TMEM232: variants seen among roughly 807,000 people sequenced by gnomAD.
The protein encoded by TMEM232 is transmembrane protein 232.
A neutral mutation model predicts 78.8 loss-of-function variants in TMEM232; 80 were observed. That is an observed-to-expected ratio of 1.01 (90% CI 0.85 to 1.22). TMEM232 has a LOEUF of 1.22. Among genes scored for constraint, TMEM232 ranks in the 50% most tolerant of loss-of-function variants. TMEM232 has a pLI of 0.00. For missense variants in TMEM232, 881 were observed against 742.2 expected, an observed-to-expected ratio of 1.19 and a Z score of -2.17; for synonymous variants, 297 against 254.3, an observed-to-expected ratio of 1.17 and a Z score of -1.60.
At position 110,420,273 on chromosome 5, in the gene TMEM232, C is replaced by G; in HGVS notation, c.*307G>C. ...TGATGAATATCAATGTTCTGAGAATCAGTTATCAAGTATGCTGTACAATCA... is the reference window on the plus strand; with the variant it reads ...TGATGAATATCAATGTTCTGAGAATGAGTTATCAAGTATGCTGTACAATCA... On this transcript the variant is annotated 3_prime_UTR_variant, in exon 14 of 14. Coordinates refer to ENST00000455884, the MANE Select transcript of TMEM232 (RefSeq NM_001039763.4). 5.2e-6 allele frequency: 1 copy of G among 191,372 alleles called. No individual in the cohort carries two copies. Among genetic ancestry groups the G allele is most frequent in the Non-Finnish European group, 1.1e-5 (1 of 94,936 alleles). The allele number at this position is 191,372 out of a possible 1,614,324, so 11.9% of individuals were successfully genotyped here. A position where few individuals can be genotyped will look rare whatever the true frequency, so the allele number is the denominator to read the frequency against.
chr5:110,653,095 G>A (rs1788560710), intron 2 of TMEM232, among the ~76,000 whole-genome samples: 1 of 152,166 alleles, frequency 6.6e-6, no homozygotes, highest in African/African-American at 2.4e-5. Flanking sequence ...TATTTTGCTA[G>A]ATACCATGAG....
rs572448524 is a variant in TMEM232, at chr5:110,440,044, T to C, written c.1704-15128A>G. 6.6e-5 allele frequency among the ~76,000 whole-genome samples: 10 copies of C among 152,288 alleles called. No homozygotes were observed. In the South Asian group the frequency reaches 1.7e-3, roughly 25 times the overall value. ...GTAAAATTTTGTTATGCAAATGGTTTCACAAAGTAGGAGAAAACATAATGT... is the reference window on the plus strand; with the variant it reads ...GTAAAATTTTGTTATGCAAATGGTTCCACAAAGTAGGAGAAAACATAATGT... On this transcript the variant is annotated intron_variant, in intron 12 of 13. Transcript: ENST00000455884.
In TMEM232 at chr5:110,400,663, A is replaced by T. The variant is rs540381796; in HGVS notation, n.309-2809T>A. ...CATTGTAAATGCAGATATGTAGAAT[A>T]CCTGGGGTACAAGAAAGTGATCATG... On this transcript the variant is annotated intron_variant and non_coding_transcript_variant, in intron 2 of 8. Transcript: ENST00000507188. Among the ~76,000 whole-genome samples, 12 of 152,220 alleles carry T rather than the reference A, an allele frequency of 7.9e-5. No individual in the cohort carries two copies. The South Asian group carries it at 2.5e-3, about 32-fold the overall frequency.
At chr5:110,602,314 A>C (rs934185960) in intron 10 of TMEM232, among the ~76,000 whole-genome samples, 1 of 152,188 alleles carries the variant, frequency 6.6e-6, no homozygotes, top group African/African-American at 2.4e-5. Flanking sequence ...ATTAAACTAA[A>C]GAGCTTCTGC....
At chr5:110,705,851 C>T (rs370265225) in intron 1 of TMEM232, among the ~76,000 whole-genome samples, 5 of 151,188 alleles carry the variant, frequency 3.3e-5, no homozygotes, top group Admixed American at 2.6e-4. Context: ...TGGTACTGTC[C>T]CCAAAATGTG....
chr5:110,639,408 A>T (rs1257099735), intron 4 of TMEM232, among the ~76,000 whole-genome samples: 2 of 152,166 alleles, frequency 1.3e-5, no homozygotes, highest in East Asian at 3.9e-4. Flanking sequence ...TCTTGAAAAT[A>T]AGGAGGTTTA....
chr5:110,633,303 C>T (rs577531253), intron 5 of TMEM232, among the ~76,000 whole-genome samples: 1 of 152,152 alleles, frequency 6.6e-6, no homozygotes, highest in East Asian at 1.9e-4. Flanking sequence ...GTATAAAACT[C>T]ATGGGTAAAG....
chr5:110,555,161 T>C (rs1441109787), intron 11 of TMEM232, among the ~76,000 whole-genome samples: 3 of 152,192 alleles, frequency 2.0e-5, no homozygotes, highest in African/African-American at 7.2e-5. Flanking sequence ...TGCTATAAAC[T>C]TTCCTGTTAA....
chr5:110,582,425 A>G (rs764488286), intron 10 of TMEM232, among the ~76,000 whole-genome samples: 14 of 151,904 alleles, frequency 9.2e-5, no homozygotes, highest in Non-Finnish European at 1.3e-4. Flanking sequence ...ACCAAATACC[A>G]CATGTTCTCA....
intron 12 of TMEM232, among the ~76,000 whole-genome samples, chr5:110,498,111 T>C (rs551045801): frequency 4.1e-4 from 62 of 152,174 alleles, no homozygotes; most frequent in Non-Finnish European, 8.4e-4. Context: ...TGGGAAATCA[T>C]GTAATGTATA....
chr5:110,722,048 A>G (rs138059962), intron 1 of TMEM232, among the ~76,000 whole-genome samples: 52 of 152,146 alleles, frequency 3.4e-4, no homozygotes, highest in Non-Finnish European at 3.1e-4. Context: ...ATCACATAAA[A>G]CATTGTCAGG....
intron 10 of TMEM232, among the ~76,000 whole-genome samples, chr5:110,573,199 T>C (rs1311853248): frequency 2.6e-5 from 4 of 152,188 alleles, no homozygotes; most frequent in South Asian, 2.1e-4. Context: ...TTTGAACCCT[T>C]TGATAGACTT....
At chr5:110,702,605 G>A (rs888248136) in intron 1 of TMEM232, among the ~76,000 whole-genome samples, 2 of 151,994 alleles carry the variant, frequency 1.3e-5, no homozygotes, top group African/African-American at 2.4e-5. Context: ...AACAGTTGAT[G>A]AGATAACTCA....
At chr5:110,530,632 G>C (rs1771312179) in intron 11 of TMEM232, among the ~76,000 whole-genome samples, 1 of 152,148 alleles carries the variant, frequency 6.6e-6, no homozygotes. Context: ...GGCACAGAAA[G>C]ACAAATACCA....
At chr5:110,424,970 C>T in intron 12 of TMEM232, 54 bp from the exon 13 acceptor site, 1 of 1,223,784 alleles carries the variant, frequency 8.2e-7, no homozygotes, top group Non-Finnish European at 1.1e-6. Flanking sequence ...CTCCTATTCC[C>T]CAGAAATAGA....
intron 8 of TMEM232, among the ~76,000 whole-genome samples, chr5:110,608,477 T>C (rs369360014): frequency 4.6e-4 from 70 of 152,058 alleles, no homozygotes; most frequent in Middle Eastern, 3.4e-3. Context: ...AGGATACTCA[T>C]AGAGTTCGTA....
chr5:110,470,475 T>A (rs1762551321), intron 12 of TMEM232, among the ~76,000 whole-genome samples: 1 of 152,120 alleles, frequency 6.6e-6, no homozygotes, highest in Non-Finnish European at 1.5e-5. Flanking sequence ...ATGCTGCAGC[T>A]GCTTAGGAAC....
chr5:110,544,061 A>G (rs1773481604), intron 11 of TMEM232, among the ~76,000 whole-genome samples: 2 of 152,178 alleles, frequency 1.3e-5, no homozygotes, highest in Admixed American at 6.5e-5. Context: ...CCTGGCAATG[A>G]ACATTATCTC....
At chr5:110,579,728 A>G (rs1777961061) in intron 10 of TMEM232, among the ~76,000 whole-genome samples, 1 of 151,770 alleles carries the variant, frequency 6.6e-6, no homozygotes, top group Admixed American at 6.6e-5. Context: ...AAACACAAAC[A>G]CATACACACA....
Sources: gnomAD v4.1 joint callset for allele counts (sites outside exome capture counted in the v4.1 genomes callset) on GRCh38, gnomAD v4.1.1 for gene constraint, MANE v1.5 for transcripts, NCBI Gene and HGNC (gene_info 2026-07-23, HGNC 2026-07-21) for gene names.